Variants in GLCCI1 observed in about 807,000 individuals in gnomAD.
GLCCI1 encodes the protein glucocorticoid induced 1, also known as glucocorticoid-induced transcript 1 protein.
Under a neutral mutation model 52.2 loss-of-function variants are expected in GLCCI1, and 24 were observed. That is an observed-to-expected ratio of 0.46 (90% CI 0.33 to 0.65). The LOEUF (loss-of-function observed/expected upper bound fraction) is 0.65, where lower values mean the gene tolerates loss of function less well. Ranked by LOEUF, GLCCI1 falls within the 30% of genes least tolerant of loss-of-function variation. The pLI is 0.02. For missense variants in GLCCI1, 704 were observed against 701.5 expected (o/e 1.00, Z -0.04); for synonymous variants, 310 against 276.5 (o/e 1.12, Z -1.20).
At chr7:8,025,376 GAGTT>G (rs909761165) in intron 3 of GLCCI1, among the ~76,000 whole-genome samples, 12 of 152,140 alleles carry the variant, frequency 7.9e-5, no homozygotes, top group Admixed American at 4.6e-4. Context: ...TTTTCACAAA[GAGTT>G]AGTCATTCTA....
intron 1 of GLCCI1, among the ~76,000 whole-genome samples, chr7:8,003,177 G>A (rs1781079954): frequency 6.6e-6 from 1 of 152,172 alleles, no homozygotes; most frequent in South Asian, 2.1e-4. Context: ...GGCTTAGGGT[G>A]CCATGAAAGC....
rs560754374 is a variant in GLCCI1 at position 8,030,148 on chromosome 7, T to A, written c.696+7579T>A. On this transcript the variant is annotated intron_variant, in intron 3 of 7. Transcript: ENST00000223145. ...GACATGACCTGACTTTAAATTCTAC[T>A]GAAGAGCTATAGTAACCAAAACAGC... Among the ~76,000 whole-genome samples, 13 of 152,260 alleles carry A rather than the reference T, an allele frequency of 8.5e-5. No individual in the cohort carries two copies. The South Asian group carries it at 2.7e-3, about 32-fold the overall frequency.
chr7:8,050,524 G>A (rs752412693), intron 3 of GLCCI1, among the ~76,000 whole-genome samples: 6 of 151,968 alleles, frequency 3.9e-5, no homozygotes, highest in Non-Finnish European at 7.4e-5. Context: ...AAAGTTTGTC[G>A]TATATTTCCC....
At chr7:7,986,079 C>A (rs865879831) in intron 1 of GLCCI1, among the ~76,000 whole-genome samples, 7 of 152,074 alleles carry the variant, frequency 4.6e-5, no homozygotes, top group African/African-American at 1.7e-4. Flanking sequence ...ATATTTTGCT[C>A]ATGGTTTTTA....
intron 3 of GLCCI1, among the ~76,000 whole-genome samples, chr7:8,037,045 T>C (rs1781882282): frequency 6.6e-6 from 1 of 152,074 alleles, no homozygotes; most frequent in Non-Finnish European, 1.5e-5. Flanking sequence ...TAGAAGAGGC[T>C]CAAGGAAATC....
intron 1 of GLCCI1, among the ~76,000 whole-genome samples, chr7:7,977,316 G>A (rs1780512299): frequency 6.6e-6 from 1 of 152,170 alleles, no homozygotes; most frequent in Non-Finnish European, 1.5e-5. Flanking sequence ...AGTATTGACT[G>A]ACTAGACTTG....
chr7:8,043,042 G>A (rs1206703474), intron 3 of GLCCI1, among the ~76,000 whole-genome samples: 3 of 152,152 alleles, frequency 2.0e-5, no homozygotes, highest in Admixed American at 1.3e-4. Context: ...TAACATCTAC[G>A]AGACAAGAGC....
At chr7:7,972,437 A>C (rs1318670690) in intron 1 of GLCCI1, among the ~76,000 whole-genome samples, 1 of 152,196 alleles carries the variant, frequency 6.6e-6, no homozygotes, top group Non-Finnish European at 1.5e-5. Flanking sequence ...ATAAAGGCAT[A>C]TTGTTTATGA....
At chr7:7,993,672 T>A (rs904782864) in intron 1 of GLCCI1, among the ~76,000 whole-genome samples, 5 of 152,172 alleles carry the variant, frequency 3.3e-5, no homozygotes, top group Non-Finnish European at 7.3e-5. Flanking sequence ...TATGGCCCAA[T>A]ACTTTTTTAT....
chr7:8,066,248 C>A (rs1286430334), intron 5 of GLCCI1, among the ~76,000 whole-genome samples: 2 of 151,836 alleles, frequency 1.3e-5, no homozygotes, highest in Non-Finnish European at 2.9e-5. Context: ...TGGTACTGTC[C>A]CCTTTGTCAT....
intron 2 of GLCCI1, among the ~76,000 whole-genome samples, chr7:8,004,579 GA>G (rs954192423): frequency 1.3e-5 from 2 of 151,706 alleles, no homozygotes; most frequent in South Asian, 2.1e-4. Flanking sequence ...CTCCACATCA[GA>G]AAAAAAATCT....
chr7:8,048,659 T>C (rs1782189454), intron 3 of GLCCI1, among the ~76,000 whole-genome samples: 1 of 152,168 alleles, frequency 6.6e-6, no homozygotes, highest in South Asian at 2.1e-4. Flanking sequence ...TTTATCCTAC[T>C]TGGAACCTCA....
Position 8,003,972 on chromosome 7 carries a change from T to A in GLCCI1, c.522T>A (p.Asp174Glu). Residue 174 changes from aspartate (D) to glutamate (E), a missense_variant, in exon 2 of 8, where the codon GAT becomes GAA. Coordinates refer to ENST00000223145, the MANE Select transcript of GLCCI1 (RefSeq NM_138426.4). ...CAATAAGGCGAACCTCCTCTTTGGA[T>A]ACAATAACAGGACCTTACCTCACAG... ...SSTIRRTSSLDTITGPYLTGQ... is the reference protein window; with the variant it reads ...SSTIRRTSSLETITGPYLTGQ... The A allele has an allele frequency of 6.2e-7, 1 of 1,613,896 alleles. No homozygotes were observed. Among genetic ancestry groups the A allele is most frequent in the Non-Finnish European group, 8.5e-7 (1 of 1,179,834 alleles).
Position 8,074,634 on chromosome 7 carries a change from G to T in GLCCI1, c.1177+3503G>T, listed in dbSNP as rs140123373. Among the ~76,000 whole-genome samples, 838 of 152,174 alleles carry T rather than the reference G, an allele frequency of 5.5e-3. 10 individuals carry two copies. The highest frequency in any genetic ancestry group is 0.017 in the Middle Eastern group (5 of 292). ...TGGGAGGTGGAGGTTGCAGCAAGCC[G>T]AGATCACGTCACTGCATTCCAGCCT... On this transcript the variant is annotated intron_variant, in intron 6 of 7. Coordinates refer to ENST00000223145, the MANE Select transcript of GLCCI1 (RefSeq NM_138426.4).
At chr7:8,075,632 G>C (rs1218148506) in intron 6 of GLCCI1, among the ~76,000 whole-genome samples, 1 of 152,216 alleles carries the variant, frequency 6.6e-6, no homozygotes, top group African/African-American at 2.4e-5. Context: ...GTAGACTTCA[G>C]TCAGCTACTT....
At chr7:8,005,731 A>G (rs1187448349) in intron 2 of GLCCI1, among the ~76,000 whole-genome samples, 1 of 152,174 alleles carries the variant, frequency 6.6e-6, no homozygotes, top group Non-Finnish European at 1.5e-5. Flanking sequence ...CCAAACCAAC[A>G]TATGAAATGA....
intron 1 of GLCCI1, among the ~76,000 whole-genome samples, chr7:7,977,042 G>T (rs1191345120): frequency 6.6e-6 from 1 of 151,980 alleles, no homozygotes; most frequent in African/African-American, 2.4e-5. Context: ...ATTAACTACT[G>T]ACAGTAATAA....
At position 8,015,766 on chromosome 7, in the gene GLCCI1, C is replaced by T. The variant is rs184879794; in HGVS notation, c.610-6717C>T. ...GTTTCAAATACCATCTCTAAAATTA[C>T]CAAAGTCAAAATTCTACTTATTAAT... On this transcript the variant is annotated intron_variant, in intron 2 of 7. Coordinates refer to ENST00000223145, the MANE Select transcript of GLCCI1 (RefSeq NM_138426.4). 8.5e-5 allele frequency among the ~76,000 whole-genome samples: 13 copies of T among 152,218 alleles called. No homozygotes were observed. The East Asian group carries it at 2.5e-3, about 29-fold the overall frequency.
chr7:8,064,480 G>A (rs1280008300), intron 5 of GLCCI1, among the ~76,000 whole-genome samples: 3 of 152,132 alleles, frequency 2.0e-5, no homozygotes, highest in Non-Finnish European at 4.4e-5. Flanking sequence ...TTTTGTACCA[G>A]TACCATGTTT....
Sources: gnomAD v4.1 joint callset for allele counts (sites outside exome capture counted in the v4.1 genomes callset) on GRCh38, gnomAD v4.1.1 for gene constraint, MANE v1.5 for transcripts, NCBI Gene and HGNC (gene_info 2026-07-23, HGNC 2026-07-21) for gene names.